Variants in AGAP1 observed in about 807,000 individuals in gnomAD.
AGAP1 encodes arf-GAP with GTPase, ANK repeat and PH domain-containing protein 1.
In AGAP1, 29 loss-of-function variants were observed where a neutral mutation model predicts 105.3. The observed-to-expected ratio is 0.28, with a 90% CI of 0.21 to 0.38. AGAP1 has a LOEUF of 0.38. Ranked by LOEUF, AGAP1 falls within the 10% of genes least tolerant of loss-of-function variation. AGAP1 has a pLI of 1.00. For synonymous variants in AGAP1, 509 were observed against 485.9 expected (o/e 1.05, Z -0.63); for missense variants, 998 against 1,165.1 (o/e 0.86, Z 2.09).
chr2:235,521,786 A>G (rs931886113), intron 1 of AGAP1, among the ~76,000 whole-genome samples: 5 of 144,866 alleles, frequency 3.5e-5, no homozygotes, highest in Non-Finnish European at 7.6e-5. Context: ...GTGTGTTGCT[A>G]TTGAAAAATA....
At chr2:235,687,206 A>G (rs1357938097) in intron 1 of AGAP1, among the ~76,000 whole-genome samples, 1 of 152,226 alleles carries the variant, frequency 6.6e-6, no homozygotes, top group African/African-American at 2.4e-5. Context: ...GGCATTTGCT[A>G]TCAAACAGAT....
At chr2:235,861,510 G>A (rs12473013) in intron 9 of AGAP1, among the ~76,000 whole-genome samples, 15 of 152,214 alleles carry the variant, frequency 9.9e-5, no homozygotes, top group African/African-American at 2.4e-4. Context: ...GAAGGCTTTC[G>A]TAGAGGACAT....
At chr2:235,594,667 C>T (rs1006110076) in intron 1 of AGAP1, among the ~76,000 whole-genome samples, 19 of 151,844 alleles carry the variant, frequency 1.3e-4, no homozygotes, top group Admixed American at 7.2e-4. Flanking sequence ...CTCCATCTTC[C>T]GGGTTCAAGC....
At chr2:235,715,564 G>A (rs764763040) in intron 2 of AGAP1, among the ~76,000 whole-genome samples, 1 of 152,190 alleles carries the variant, frequency 6.6e-6, no homozygotes, top group Non-Finnish European at 1.5e-5. Context: ...TTGTGTGCGA[G>A]GATTTGGAAG....
rs948846452 is a variant in AGAP1, at chr2:235,502,214, C to G, written c.163+7365C>G. Reference sequence around the variant, plus strand: ...CTTTTCTGGTCACAAGAGACCATGGCCAGAAGTGGGTATCGTGCTTGTGTC... The same window carrying G: ...CTTTTCTGGTCACAAGAGACCATGGGCAGAAGTGGGTATCGTGCTTGTGTC... On this transcript the variant is annotated intron_variant, in intron 1 of 17. Coordinates refer to ENST00000304032, the MANE Select transcript of AGAP1 (RefSeq NM_001037131.3). Among the ~76,000 whole-genome samples the G allele has an allele frequency of 6.6e-5, 10 of 152,010 alleles. 1 individual carries two copies. The highest frequency in any genetic ancestry group is 1.3e-4 in the Non-Finnish European group (9 of 68,018).
intron 16 of AGAP1, among the ~76,000 whole-genome samples, chr2:236,111,142 C>T (rs2059627812): frequency 1.3e-5 from 2 of 152,170 alleles, no homozygotes; most frequent in Non-Finnish European, 2.9e-5. Context: ...TGGGGTGACA[C>T]AAACACACAG....
Position 235,713,507 on chromosome 2 carries a change from C to G in AGAP1, c.223-4050C>G, listed in dbSNP as rs536884165. Among the ~76,000 whole-genome samples the G allele has an allele frequency of 5.3e-5, 8 of 152,346 alleles. 1 individual carries two copies. In the East Asian group the frequency reaches 1.4e-3, roughly 26 times the overall value. On this transcript the variant is annotated intron_variant, in intron 2 of 17. Coordinates refer to ENST00000304032, the MANE Select transcript of AGAP1 (RefSeq NM_001037131.3). ...TGCTCTTGAGCGTCTGCCTTGGGCT[C>G]TGCATTACGCAGGGATTCAGAGAAC...
At chr2:235,820,420 A>C (rs1185657918) in intron 9 of AGAP1, among the ~76,000 whole-genome samples, 1 of 152,244 alleles carries the variant, frequency 6.6e-6, no homozygotes, top group Admixed American at 6.5e-5. Flanking sequence ...AAATAATTTC[A>C]GAAAACTGGT....
Position 235,799,514 on chromosome 2 carries a change from C to A in AGAP1, c.949C>A (p.Leu317Met), listed in dbSNP as rs754790245. 1.9e-6 allele frequency: 3 copies of A among 1,614,018 alleles called. No homozygotes were observed. In the Admixed American group the frequency reaches 5.0e-5, roughly 27 times the overall value. Reference protein sequence around the residue: ...VRKQSKRRSNLFTSRKGSDPD... With the variant: ...VRKQSKRRSNMFTSRKGSDPD... The stretch of plus-strand genomic sequence containing the variant: ...CAAGCAGTCTAAGCGCCGGTCCAAC[C>A]TGTTCACCGTGAGTGTCAACCCTGG... Residue 317 changes from leucine to methionine, a missense_variant, in exon 8 of 18, where the codon CTG becomes ATG. Around this residue, in one of 3 missense-constraint regions of AGAP1, gnomAD observed 735 missense variants for 833.4 expected, o/e 0.88. Coordinates refer to ENST00000304032, the MANE Select transcript of AGAP1 (RefSeq NM_001037131.3). This position sits in a 1 kb window ranked among gnomAD's most constrained non-coding sequence, Gnocchi z 5.0.
At chr2:235,917,732 G>T (rs1261771379) in intron 11 of AGAP1, among the ~76,000 whole-genome samples, 1 of 152,172 alleles carries the variant, frequency 6.6e-6, no homozygotes. Context: ...CAGTGACAAA[G>T]GTTTGATCTA....
chr2:235,923,696 G>T (rs778637290), intron 11 of AGAP1, among the ~76,000 whole-genome samples: 2 of 152,294 alleles, frequency 1.3e-5, no homozygotes, highest in East Asian at 3.9e-4. Context: ...GTTGTCATTG[G>T]GTAATGTTCC....
intron 1 of AGAP1, among the ~76,000 whole-genome samples, chr2:235,616,133 C>G (rs1409458387): frequency 6.6e-6 from 1 of 152,096 alleles, no homozygotes; most frequent in Admixed American, 6.5e-5. Context: ...GAGGTAGAGG[C>G]AGGCATATCA....
intron 12 of AGAP1, among the ~76,000 whole-genome samples, chr2:235,939,775 C>G (rs1361665893): frequency 4.6e-5 from 7 of 152,158 alleles, no homozygotes; most frequent in African/African-American, 1.7e-4. Flanking sequence ...AAGACACACA[C>G]AGGTTTTTCC....
intron 9 of AGAP1, chr2:235,852,696 T>TGCC: frequency 6.7e-7 from 1 of 1,503,264 alleles, no homozygotes; most frequent in South Asian, 1.3e-5. Context: ...GGCCTGCCCT[T>TGCC]CTTTGTCCTT....
rs1957507289 is a variant in AGAP1 at position 235,801,779 on chromosome 2, T to C, written c.957+2257T>C. 6.6e-6 allele frequency among the ~76,000 whole-genome samples: 1 copy of C among 152,154 alleles called. No individual in the cohort carries two copies. Among genetic ancestry groups the C allele is most frequent in the Non-Finnish European group, 1.5e-5 (1 of 68,020 alleles). On this transcript the variant is annotated intron_variant, in intron 8 of 17. Transcript: ENST00000304032. The surrounding 1 kb of genome is among the most constrained non-coding windows in gnomAD (Gnocchi z 6.0). Reference sequence around the variant, plus strand: ...TGGTCGAGAACACCTTCTGTGTCTTTGTTAAGGGAGTGGAAGGGGGAGAGC... The same window carrying C: ...TGGTCGAGAACACCTTCTGTGTCTTCGTTAAGGGAGTGGAAGGGGGAGAGC...
At chr2:235,776,634 C>T (rs116158252) in intron 6 of AGAP1, among the ~76,000 whole-genome samples, 4,379 of 152,260 alleles carry the variant, frequency 0.029, 87 homozygotes, top group South Asian at 0.052. Flanking sequence ...CACCACCTGT[C>T]CCAGTGGGCG....
chr2:235,519,020 T>G (rs1479285293), intron 1 of AGAP1, among the ~76,000 whole-genome samples: 1 of 152,184 alleles, frequency 6.6e-6, no homozygotes, highest in Non-Finnish European at 1.5e-5. Flanking sequence ...ACGAGTACTA[T>G]TCACAACAGC....
chr2:235,878,239 C>T (rs2106598865), intron 9 of AGAP1, among the ~76,000 whole-genome samples: 1 of 152,342 alleles, frequency 6.6e-6, no homozygotes, highest in East Asian at 1.9e-4. Context: ...GTGCAGCTGG[C>T]CTGCAGCAGG....
intron 9 of AGAP1, among the ~76,000 whole-genome samples, chr2:235,850,032 T>TC (rs1346507210): frequency 6.6e-6 from 1 of 152,180 alleles, no homozygotes; most frequent in Non-Finnish European, 1.5e-5. Context: ...CATTGATGCC[T>TC]CCTGAGCAGG....
Sources: allele counts gnomAD v4.1 joint callset (sites outside exome capture counted in the v4.1 genomes callset), GRCh38; gene constraint gnomAD v4.1.1; regional missense constraint gnomAD v4.1.1; non-coding constraint Gnocchi (gnomAD v3.1); transcripts MANE v1.5; gene names NCBI Gene and HGNC (gene_info 2026-07-23, HGNC 2026-07-21).